The following COL15A1 variants were observed in gnomAD, a reference collection of about 807,000 sequenced individuals.
The protein encoded by COL15A1 is collagen type XV alpha 1 chain, also known as collagen alpha-1(XV) chain.
A neutral mutation model predicts 165.9 loss-of-function variants in COL15A1; 111 were observed. That is an observed-to-expected ratio of 0.67 (90% confidence interval 0.57 to 0.78). COL15A1 has a LOEUF of 0.78. Among genes scored for constraint, COL15A1 ranks in the 30% least tolerant of loss-of-function variants. The pLI is 0.00. For synonymous variants in COL15A1, 659 were observed against 674.8 expected, an observed-to-expected ratio of 0.98 and a Z score of 0.36; for missense variants, 1,745 against 1,789.7, an observed-to-expected ratio of 0.98 and a Z score of 0.45.
intron 39 of COL15A1, among the ~76,000 whole-genome samples, chr9:99,064,536 T>C (rs1825865528): frequency 6.6e-6 from 1 of 152,144 alleles, no homozygotes; most frequent in Non-Finnish European, 1.5e-5. Flanking sequence ...ACGGGGCTGG[T>C]TGGATTCCCA....
intron 14 of COL15A1, among the ~76,000 whole-genome samples, chr9:99,024,268 G>GTTTTTTTCTTTTTTTTTTTTTTTT (rs1839078502): frequency 7.6e-6 from 1 of 131,460 alleles, no homozygotes; most frequent in East Asian, 2.3e-4. Flanking sequence ...ACCACAAGCA[G>GTTTTTTTCTTTTTTTTTTTTTTTT]TTTTTTTTGT....
rs188246467 is a variant in COL15A1, at chr9:98,999,521, C to T, written c.953-1318C>T. Among the ~76,000 whole-genome samples, 244 of 149,950 alleles carry T rather than the reference C, an allele frequency of 1.6e-3. 1 individual carries two copies. The highest frequency in any genetic ancestry group is 3.0e-3 in the Non-Finnish European group (201 of 67,826). On this transcript the variant is annotated intron_variant, in intron 6 of 41. Coordinates refer to ENST00000375001, the MANE Select transcript of COL15A1 (RefSeq NM_001855.5). ...AGTACAACTTCTTTTTCTTCTTCTT[C>T]TTCTTCTTTTTTTTTTTTTTTAGAC... is the stretch of plus-strand genomic sequence containing the variant.
At chr9:98,959,546 T>A (rs753639016) in intron 2 of COL15A1, among the ~76,000 whole-genome samples, 3 of 152,036 alleles carry the variant, frequency 2.0e-5, no homozygotes, top group Non-Finnish European at 4.4e-5. Flanking sequence ...TGCAGTGAGC[T>A]GTGATTGTGC....
intron 16 of COL15A1, among the ~76,000 whole-genome samples, chr9:99,026,915 C>G (rs922529032): frequency 1.6e-4 from 24 of 152,346 alleles, no homozygotes; most frequent in African/African-American, 5.8e-4. Flanking sequence ...CCTCTCTCTC[C>G]TTAGAACCTA....
At chr9:99,047,330 A>G (rs1839507511) in intron 26 of COL15A1, among the ~76,000 whole-genome samples, 1 of 152,204 alleles carries the variant, frequency 6.6e-6, no homozygotes, top group African/African-American at 2.4e-5. Context: ...ACCAAATCCT[A>G]GAGTGGGTTA....
At chr9:98,987,240 C>A in intron 3 of COL15A1, 54 bp from the exon 4 acceptor site, 1 of 1,500,350 alleles carries the variant, frequency 6.7e-7, no homozygotes, top group Non-Finnish European at 9.2e-7. Flanking sequence ...CTTCCACTGG[C>A]AGTCATGCTG....
intron 36 of COL15A1, among the ~76,000 whole-genome samples, chr9:99,060,232 TTTTATATATATA>T (rs141774148): frequency 4.9e-5 from 6 of 123,530 alleles, no homozygotes; most frequent in South Asian, 2.8e-4. Flanking sequence ...ACTTATATAT[TTTTATATATATA>T]TATATATATA....
rs111606941 is a variant in COL15A1, at chr9:98,998,978, A to T, written c.953-1861A>T. On this transcript the variant is annotated intron_variant, in intron 6 of 41. Transcript: ENST00000375001. ...ACCATCGTGACCCGTGGAAGGGGCC[A>T]CCCCACCTCCTTCTTCCCAGGGGTC... is the stretch of plus-strand genomic sequence containing the variant. Among the ~76,000 whole-genome samples, 248 of 152,270 alleles carry T rather than the reference A, an allele frequency of 1.6e-3. 1 individual carries two copies. The highest frequency in any genetic ancestry group is 5.7e-3 in the African/African-American group (236 of 41,554).
intron 35 of COL15A1, among the ~76,000 whole-genome samples, chr9:99,057,682 A>AG (rs1373340154): frequency 7.9e-5 from 12 of 152,216 alleles, no homozygotes; most frequent in Non-Finnish European, 1.8e-4. Context: ...TCAGACCCAG[A>AG]GCAGTGTAGC....
Position 98,985,855 on chromosome 9 carries a change from C to T in COL15A1, c.391C>T (p.His131Tyr). The T allele has an allele frequency of 6.2e-7, 1 of 1,613,854 alleles. No individual in the cohort carries two copies. Among genetic ancestry groups the T allele is most frequent in the Non-Finnish European group, 8.5e-7 (1 of 1,180,032 alleles). ...GCGGCTCTCAGGTGTGGAGGACGGC[C>T]ACCAGCGGATCATCCTCTACTACAC... ...GLRLSGVEDG[H>Y]QRIILYYTEP... Residue 131 changes from histidine (H) to tyrosine (Y), a missense_variant, in exon 3 of 42, where the codon CAC (histidine) becomes TAC (tyrosine). His to Tyr is a moderately conservative substitution (Grantham distance 83, BLOSUM62 2). Coordinates refer to ENST00000375001, the MANE Select transcript of COL15A1 (RefSeq NM_001855.5).
intron 2 of COL15A1, among the ~76,000 whole-genome samples, chr9:98,952,926 C>T (rs1410634264): frequency 6.6e-6 from 1 of 152,122 alleles, no homozygotes; most frequent in Non-Finnish European, 1.5e-5. Context: ...AATTTTGATG[C>T]TTGTTACTTT....
intron 3 of COL15A1, chr9:98,986,419 G>A (rs574015279): frequency 3.5e-6 from 1 of 283,270 alleles, no homozygotes; most frequent in Middle Eastern, 1.1e-3. Flanking sequence ...TAATCTGTGT[G>A]AAAGCACTTT....
intron 15 of COL15A1, 30 bp from the exon 16 acceptor site, chr9:99,025,874 T>G (rs1444737175): frequency 6.2e-7 from 1 of 1,608,528 alleles, no homozygotes; most frequent in East Asian, 2.2e-5. Flanking sequence ...GCAGAAATGT[T>G]GTGGGTTGAT....
At chr9:99,069,622 A>G in intron 41 of COL15A1, 51 bp from the exon 42 acceptor site, 2 of 1,576,890 alleles carry the variant, frequency 1.3e-6, no homozygotes, top group South Asian at 1.1e-5. Flanking sequence ...ACCAAAAAAT[A>G]CCACAAAGAA....
In COL15A1 at chr9:99,058,977, G is replaced by A. The variant is rs183965123; in HGVS notation, c.3338-912G>A. The stretch of plus-strand genomic sequence containing the variant: ...GGCAGATTTGGAGGAGTTGTCGGGG[G>A]TAGGGTGAGCAGAGGATGAGAGAGG... On this transcript the variant is annotated intron_variant, in intron 35 of 41. Coordinates refer to ENST00000375001, the MANE Select transcript of COL15A1 (RefSeq NM_001855.5). 5.7e-3 allele frequency among the ~76,000 whole-genome samples: 875 copies of A among 152,330 alleles called. 4 individuals are homozygous for A. Among genetic ancestry groups the A allele is most frequent in the Non-Finnish European group, 9.6e-3 (653 of 68,032 alleles).
At chr9:99,037,043 T>C (rs1295218126) in intron 21 of COL15A1, among the ~76,000 whole-genome samples, 1 of 152,230 alleles carries the variant, frequency 6.6e-6, no homozygotes, top group African/African-American at 2.4e-5. Context: ...GTGCTCCCTT[T>C]AGATGGCTCT....
At chr9:98,978,231 A>G (rs1838174114) in intron 2 of COL15A1, among the ~76,000 whole-genome samples, 1 of 152,218 alleles carries the variant, frequency 6.6e-6, no homozygotes, top group African/African-American at 2.4e-5. Context: ...TGCCACATGC[A>G]AGCCTGGATC....
At chr9:99,061,433 T>G (rs186881387) in intron 36 of COL15A1, among the ~76,000 whole-genome samples, 51 of 152,362 alleles carry the variant, frequency 3.3e-4, no homozygotes, top group African/African-American at 1.2e-3. Flanking sequence ...GCAGAGAAAT[T>G]ACAGACCTCC....
Position 99,034,478 on chromosome 9 carries a change from G to A in COL15A1, c.2044-71G>A, listed in dbSNP as rs977307012. The A allele has an allele frequency of 5.9e-6, 9 of 1,520,232 alleles. No individual in the cohort carries two copies. In the African/African-American group the frequency reaches 1.3e-4, roughly 22 times the overall value. The allele number at this position is 1,520,232 out of a possible 1,614,324, so 94.2% of individuals were successfully genotyped here. A position where few individuals can be genotyped will look rare whatever the true frequency, so the allele number is the denominator to read the frequency against. On this transcript the variant is annotated intron_variant, in intron 16 of 41. Transcript: ENST00000375001. ...CTATTTCCTTGGAGTCCATAATTGT[G>A]CATTGTCTTCAGAACACACCTCATG...
Sources: allele counts gnomAD v4.1 joint callset (sites outside exome capture counted in the v4.1 genomes callset), GRCh38; gene constraint gnomAD v4.1.1; transcripts MANE v1.5; gene names NCBI Gene and HGNC (gene_info 2026-07-23, HGNC 2026-07-21).